The following DNAJA1 variants were observed in gnomAD, a reference collection of about 807,000 sequenced individuals.
The protein encoded by DNAJA1 is dnaJ homolog subfamily A member 1.
DNAJA1 carries 26 observed loss-of-function variants against 47.6 expected under a neutral mutation model. That is an observed-to-expected ratio of 0.55 (90% CI 0.40 to 0.76). The LOEUF (loss-of-function observed/expected upper bound fraction) is 0.76, where lower values mean the gene tolerates loss of function less well. Among genes scored for constraint, DNAJA1 ranks in the 30% least tolerant of loss-of-function variants. The pLI, the probability that DNAJA1 is intolerant of heterozygous loss-of-function variation, is 0.00. For missense variants in DNAJA1, 315 were observed against 485.0 expected, an observed-to-expected ratio of 0.65 and a Z score of 3.29; for synonymous variants, 165 against 158.4, an observed-to-expected ratio of 1.04 and a Z score of -0.31.
chr9:33,026,637 A>C, intron 2 of DNAJA1, 21 bp downstream of exon 2: 1 of 1,594,518 alleles, frequency 6.3e-7, no homozygotes, highest in Non-Finnish European at 8.5e-7. Flanking sequence ...TCTACTCTTA[A>C]ACGTATCTGA....
At chr9:33,030,028 G>T in intron 4 of DNAJA1, 39 bp downstream of exon 4, 1 of 1,576,276 alleles carries the variant, frequency 6.3e-7, no homozygotes. Flanking sequence ...TTGTTTTTAA[G>T]CACCTTTAAT....
intron 6 of DNAJA1, among the ~76,000 whole-genome samples, chr9:33,035,680 G>C (rs1431578084): frequency 1.3e-5 from 2 of 151,772 alleles, no homozygotes; most frequent in Non-Finnish European, 1.5e-5. Context: ...TGTTGGCCAG[G>C]CTGGTATCGA....
chr9:33,037,147 G>A (rs768840552), intron 8 of DNAJA1, 32 bp downstream of exon 8: 16 of 1,588,802 alleles, frequency 1.0e-5, no homozygotes, highest in African/African-American at 1.4e-5. Context: ...GAATACTTGA[G>A]AACAATTGGC....
Position 33,030,655 on chromosome 9 carries a change from C to A in DNAJA1, c.631C>A (p.His211Asn). The change falls in exon 5 of 9, where the codon CAT becomes AAT. Residue 211 changes from histidine (H) to asparagine (N), a missense_variant. By Grantham distance (68) the His-to-Asn change is moderately conservative. Coordinates refer to ENST00000330899, the MANE Select transcript of DNAJA1 (RefSeq NM_001539.4). ...TCGAGAGAAGAAAATTTTAGAAGTT[C>A]ATATTGACAAAGGTGAGTTCTGAGT... ...IVREKKILEVHIDKGMKDGQK... is the reference protein window; with the variant it reads ...IVREKKILEVNIDKGMKDGQK... 1 of 1,611,682 alleles carries A rather than the reference C, an allele frequency of 6.2e-7. No individual in the cohort carries two copies. The highest frequency in any genetic ancestry group is 1.1e-5 in the South Asian group (1 of 90,502).
At chr9:33,036,452 G>T in intron 6 of DNAJA1, 122 bp from the exon 7 acceptor site, 1 of 577,104 alleles carries the variant, frequency 1.7e-6, no homozygotes, top group East Asian at 3.0e-5. Flanking sequence ...TTTACAATGG[G>T]GGAAGAAAAG....
intron 5 of DNAJA1, among the ~76,000 whole-genome samples, chr9:33,032,006 G>A (rs933227921): frequency 4.6e-5 from 7 of 152,148 alleles, no homozygotes; most frequent in African/African-American, 1.4e-4. Flanking sequence ...GAAATTTTAA[G>A]AAATGTATAT....
chr9:33,039,559 A>ATATATATATATATATATATATATATG lies in DNAJA1; in HGVS notation c.*658_*659insTATATATATATATATATATATATGTA, dbSNP rs1839089364. The ATATATATATATATATATATATATATG allele has an allele frequency of 6.9e-6, 1 of 144,956 alleles. No individual in the cohort carries two copies. 9.0% of individuals were successfully genotyped at this position (144,956 alleles called of 1,614,324 possible). A position where few individuals can be genotyped will look rare whatever the true frequency, so the allele number is the denominator to read the frequency against. On this transcript the variant is annotated 3_prime_UTR_variant, in exon 9 of 9. Coordinates refer to ENST00000330899, the MANE Select transcript of DNAJA1 (RefSeq NM_001539.4). ...TTCATATATATATACATATATATAT[A>ATATATATATATATATATATATATATG]TAATCTTGACCAGTCCTGGTCATTT...
At position 33,039,901 on chromosome 9, in the gene DNAJA1, T is replaced by A. The variant is rs1291309090; in HGVS notation, c.*998T>A. 2.0e-5 allele frequency: 3 copies of A among 152,200 alleles called. No homozygotes were observed. The highest frequency in any genetic ancestry group is 4.4e-5 in the Non-Finnish European group (3 of 68,044). The allele number at this position is 152,200 out of a possible 1,614,324, so 9.4% of individuals were successfully genotyped here. Reference sequence around the variant, plus strand: ...TCCTTAATATACTAATTACAAAGCATCTCCAATGTGTGTCACTACAGGCTT... The same window carrying A: ...TCCTTAATATACTAATTACAAAGCAACTCCAATGTGTGTCACTACAGGCTT... On this transcript the variant is annotated 3_prime_UTR_variant, in exon 9 of 9. Transcript: ENST00000330899.
intron 8 of DNAJA1, among the ~76,000 whole-genome samples, chr9:33,037,977 C>T (rs1306120688): frequency 1.3e-5 from 2 of 151,280 alleles, no homozygotes; most frequent in Non-Finnish European, 2.9e-5. Flanking sequence ...TGGCCTGTCA[C>T]CATAAAAATA....
chr9:33,031,542 C>T (rs1168315008), intron 5 of DNAJA1, among the ~76,000 whole-genome samples: 3 of 152,164 alleles, frequency 2.0e-5, no homozygotes, highest in Non-Finnish European at 4.4e-5. Flanking sequence ...AGCGATTCTC[C>T]TGCCCCAGCT....
Position 33,029,084 on chromosome 9 carries a change from T to C in DNAJA1, c.311-801T>C, listed in dbSNP as rs769771414. ...GATCTTGACCTTCCATTTCCTATTC[T>C]GATTTAAGTGAAGTAAGGCACTCCT... On this transcript the variant is annotated intron_variant, in intron 3 of 8. Coordinates refer to ENST00000330899, the MANE Select transcript of DNAJA1 (RefSeq NM_001539.4). Among the ~76,000 whole-genome samples, 34 of 152,228 alleles carry C rather than the reference T, an allele frequency of 2.2e-4. 1 individual carries two copies. Among genetic ancestry groups the C allele is most frequent in the Admixed American group, 2.1e-3 (32 of 15,284 alleles).
chr9:33,039,552 T>TATATATATATATATAC lies in DNAJA1; in HGVS notation c.*658_*659insTATATACATATATATA, dbSNP rs1488178886. ...TGTGCCATTCATATATATATACATA[T>TATATATATATATATAC]ATATATATAATCTTGACCAGTCCTG... On this transcript the variant is annotated 3_prime_UTR_variant, in exon 9 of 9. Transcript: ENST00000330899. 5.6e-5 allele frequency: 8 copies of TATATATATATATATAC among 142,998 alleles called. No individual in the cohort carries two copies. The highest frequency in any genetic ancestry group is 2.0e-4 in the African/African-American group (8 of 40,158). The allele number at this position is 142,998 out of a possible 1,614,324, so 8.9% of individuals were successfully genotyped here. A position where few individuals can be genotyped will look rare whatever the true frequency, so the allele number is the denominator to read the frequency against.
intron 3 of DNAJA1, 96 bp from the exon 4 acceptor site, chr9:33,029,789 C>CTTTTAT (rs1838931691): frequency 1.0e-6 from 1 of 972,266 alleles, no homozygotes; most frequent in African/African-American, 1.7e-5. Flanking sequence ...TGAGGCTCAT[C>CTTTTAT]TTTTATTATT....
intron 3 of DNAJA1, among the ~76,000 whole-genome samples, chr9:33,027,502 A>G (rs888224043): frequency 4.6e-5 from 7 of 152,144 alleles, no homozygotes; most frequent in Non-Finnish European, 2.9e-5. Flanking sequence ...GGCCTAAAAA[A>G]TAGCCAACAG....
intron 5 of DNAJA1, among the ~76,000 whole-genome samples, chr9:33,032,318 A>C (rs10971350): frequency 0.071 from 10,812 of 152,306 alleles, 514 homozygotes; most frequent in Non-Finnish European, 0.11. Context: ...ATCTGTGTTT[A>C]CCCCTTAGTG....
intron 6 of DNAJA1, among the ~76,000 whole-genome samples, chr9:33,035,595 G>T (rs1161412330): frequency 6.6e-6 from 1 of 151,936 alleles, no homozygotes; most frequent in African/African-American, 2.4e-5. Flanking sequence ...TCAGCCTCCC[G>T]AGTAGCTGGG....
chr9:33,033,422 CAGG>C (rs1838990796), intron 5 of DNAJA1, among the ~76,000 whole-genome samples: 1 of 151,944 alleles, frequency 6.6e-6, no homozygotes, highest in African/African-American at 2.4e-5. Flanking sequence ...TACGGATTTT[CAGG>C]CACAGGGGCT....
At chr9:33,035,581 C>T (rs1839021321) in intron 6 of DNAJA1, among the ~76,000 whole-genome samples, 2 of 152,148 alleles carry the variant, frequency 1.3e-5, no homozygotes, top group South Asian at 2.1e-4. Context: ...GCAATTCTCT[C>T]ACCTCAGCCT....
At chr9:33,036,353 T>G in intron 6 of DNAJA1, 2 of 322,648 alleles carry the variant, frequency 6.2e-6, no homozygotes, top group Non-Finnish European at 1.1e-5. Flanking sequence ...CTGCCTAGAG[T>G]GTGTGGAATG....
Sources: gnomAD v4.1 joint callset for allele counts (sites outside exome capture counted in the v4.1 genomes callset) on GRCh38, gnomAD v4.1.1 for gene constraint, MANE v1.5 for transcripts, NCBI Gene and HGNC (gene_info 2026-07-23, HGNC 2026-07-21) for gene names.